TTC6: variants seen among roughly 807,000 people sequenced by gnomAD.
TTC6 encodes the protein tetratricopeptide repeat domain 6.
Under a neutral mutation model 210.4 loss-of-function variants are expected in TTC6, and 172 were observed. The observed-to-expected ratio is 0.82, with a 90% CI of 0.72 to 0.93. The LOEUF is 0.93. Among genes scored for constraint, TTC6 ranks in the 40% least tolerant of loss-of-function variants. The pLI is 0.00. For synonymous variants in TTC6, 804 were observed against 819.6 expected (o/e 0.98, Z 0.32); for missense variants, 2,414 against 2,318.1 (o/e 1.04, Z -0.85).
intron 14 of TTC6, among the ~76,000 whole-genome samples, chr14:37,762,786 A>T (rs1328526552): frequency 1.3e-5 from 2 of 151,470 alleles, no homozygotes; most frequent in African/African-American, 4.8e-5. Flanking sequence ...TATTACATTG[A>T]TTTATTTACA....
chr14:37,823,965 A>G lies in TTC6; in HGVS notation c.4974+8A>G, dbSNP rs112632705. On this transcript the variant is annotated splice_region_variant and intron_variant, in intron 27 of 30. Transcript: ENST00000553443. ...TTTGGCTATAATTTGCAGGTAATAT[A>G]GCAACATTTTGAGCATTAAAAGCAT... The G allele has an allele frequency of 2.5e-3, 4,048 of 1,612,342 alleles. 34 individuals carry two copies. The highest frequency in any genetic ancestry group is 0.022 in the African/African-American group (1,686 of 74,990).
chr14:37,714,892 G>A (rs2138762287), intron 6 of TTC6, 96 bp downstream of exon 8: 2 of 1,205,202 alleles, frequency 1.7e-6, no homozygotes, highest in East Asian at 5.1e-5. Flanking sequence ...AATTATTGAG[G>A]GCTGGCCAGG....
chr14:37,830,651 T>G (rs896695362), intron 29 of TTC6, among the ~76,000 whole-genome samples: 1 of 151,936 alleles, frequency 6.6e-6, no homozygotes, highest in Non-Finnish European at 1.5e-5. Context: ...CCTATTTCCA[T>G]GCCATTTTTT....
At chr14:37,840,738 AC>A (rs1319751251) in intron 29 of TTC6, among the ~76,000 whole-genome samples, 2 of 152,190 alleles carry the variant, frequency 1.3e-5, no homozygotes, top group African/African-American at 2.4e-5. Flanking sequence ...AGAACCAATG[AC>A]AAAAACCAAA....
At chr14:37,619,579 C>G (rs2095648080), upstream of TTC6, among the ~76,000 whole-genome samples, 1 of 152,134 alleles carries the variant, frequency 6.6e-6, no homozygotes, top group South Asian at 2.1e-4. Flanking sequence ...CCAGTTGTCT[C>G]AGCACAATTT....
chr14:37,834,002 T>C (rs913154305), intron 29 of TTC6, among the ~76,000 whole-genome samples: 1 of 152,202 alleles, frequency 6.6e-6, no homozygotes, highest in African/African-American at 2.4e-5. Flanking sequence ...CCTCAGCACT[T>C]TGAATATATC....
At position 37,841,629 on chromosome 14, in the gene TTC6, G is replaced by A. The variant is rs531089596; in HGVS notation, c.5483G>A (p.Cys1828Tyr). Residue 1828 changes from cysteine (C) to tyrosine (Y), a missense_variant, in exon 30 of 31, where the codon TGC becomes TAC. By Grantham distance (194) the Cys-to-Tyr change is radical. Transcript: ENST00000553443. ...TTTAATAGAGCACATTTCTACTACT[G>A]CTTAAAGCAATATGAACTAGCTGAG... is the stretch of plus-strand genomic sequence containing the variant. 4.3e-5 allele frequency: 69 copies of A among 1,602,930 alleles called. No individual in the cohort carries two copies. In the South Asian group the frequency reaches 7.6e-4, roughly 18 times the overall value.
At chr14:37,761,156 G>A (rs1476828325) in intron 14 of TTC6, among the ~76,000 whole-genome samples, 4 of 152,080 alleles carry the variant, frequency 2.6e-5, no homozygotes, top group Non-Finnish European at 4.4e-5. Context: ...AGGCACACAG[G>A]GAGTCTCCTG....
rs146257090 is a variant in TTC6 at position 37,723,202 on chromosome 14, T to C, written c.1714-1696T>C. ...TTTGGCAGTATTAGATATTCTAGGT[T>C]CATCTTGCATATTTCCTGCCCCAGT... On this transcript the variant is annotated intron_variant, in intron 6 of 30. Coordinates refer to ENST00000553443, the Ensembl canonical transcript of TTC6. Among the ~76,000 whole-genome samples the C allele has an allele frequency of 4.6e-5, 7 of 152,104 alleles. No homozygotes were observed. The East Asian group carries it at 1.3e-3, about 29-fold the overall frequency.
intron 6 of TTC6, 104 bp from the exon 9 acceptor site, chr14:37,724,794 C>A: frequency 1.7e-6 from 1 of 603,984 alleles, no homozygotes; most frequent in Non-Finnish European, 2.6e-6. Flanking sequence ...AGCTGTGGAA[C>A]CAAAAATTCT....
intron 3 of TTC6, among the ~76,000 whole-genome samples, chr14:37,685,984 T>A (rs2095792951): frequency 6.6e-6 from 1 of 152,146 alleles, no homozygotes; most frequent in South Asian, 2.1e-4. Context: ...TCACTTGGAG[T>A]ATGGGTCCCT....
intron 5 of TTC6, among the ~76,000 whole-genome samples, chr14:37,712,774 C>T (rs976595254): frequency 6.6e-5 from 10 of 152,114 alleles, no homozygotes; most frequent in South Asian, 6.2e-4. Flanking sequence ...TACCTCCCAC[C>T]GGGTCCCTCC....
At chr14:37,701,676 G>A (rs1048565744) in intron 5 of TTC6, 150 bp downstream of exon 7, 72 of 614,136 alleles carry the variant, frequency 1.2e-4, no homozygotes, top group Non-Finnish European at 1.8e-4. Context: ...TGCTTCCTCA[G>A]GTATACAGTC....
intron 14 of TTC6, among the ~76,000 whole-genome samples, chr14:37,763,143 C>T (rs1181012005): frequency 1.3e-5 from 2 of 152,034 alleles, no homozygotes; most frequent in Non-Finnish European, 2.9e-5. Context: ...CTGCCTCAGC[C>T]TCCCAAAGTG....
intron 14 of TTC6, among the ~76,000 whole-genome samples, chr14:37,755,566 G>C (rs2095965063): frequency 6.6e-6 from 1 of 152,144 alleles, no homozygotes; most frequent in South Asian, 2.1e-4. Flanking sequence ...TAAGGTGTAA[G>C]GAAGGGGTCC....
intron 1 of TTC6, among the ~76,000 whole-genome samples, chr14:37,672,221 T>TC (rs1313518244): frequency 2.0e-5 from 3 of 152,110 alleles, no homozygotes; most frequent in Middle Eastern, 3.2e-3. Context: ...TTCCCCTCCC[T>TC]CCATCCCTTG....
intron 1 of TTC6, among the ~76,000 whole-genome samples, chr14:37,596,647 CTGTG>C (rs1231860742): frequency 1.3e-5 from 2 of 152,202 alleles, no homozygotes; most frequent in African/African-American, 2.4e-5. Flanking sequence ...GCATGTGTGA[CTGTG>C]TGTGTTTCTG....
chr14:37,599,093 G>A (rs1373527626), intron 1 of TTC6, among the ~76,000 whole-genome samples: 2 of 152,180 alleles, frequency 1.3e-5, no homozygotes, highest in African/African-American at 4.8e-5. Context: ...GGAAACAAGG[G>A]GTCACACGTG....
chr14:37,597,102 G>C lies in TTC6; in HGVS notation c.-235+1094G>C, dbSNP rs143433362. Among the ~76,000 whole-genome samples, 611 of 152,024 alleles carry C rather than the reference G, an allele frequency of 4.0e-3. 2 individuals are homozygous for C. In the Middle Eastern group the frequency reaches 0.041, roughly 10 times the overall value. On this transcript the variant is annotated intron_variant, in intron 1 of 2. Coordinates refer to the TTC6 transcript ENST00000556845. ...AATTAAATCCACCTGGAACTCAGTA[G>C]GGCAGGAACCCTCCCTAATGCAGCC...
Sources: allele counts gnomAD v4.1 joint callset (sites outside exome capture counted in the v4.1 genomes callset), GRCh38; gene constraint gnomAD v4.1.1; transcripts MANE v1.5; gene names NCBI Gene and HGNC (gene_info 2026-07-23, HGNC 2026-07-21).